The following C2orf92 variants were observed in gnomAD, a reference collection of about 807,000 sequenced individuals.
The protein encoded by C2orf92 is uncharacterized protein C2orf92.
At chr2:97,681,653 T>C (rs1559300186) in intron 3 of C2orf92, among the ~76,000 whole-genome samples, 1 of 152,164 alleles carries the variant, frequency 6.6e-6, no homozygotes, top group Non-Finnish European at 1.5e-5. Context: ...GGTCAGGAGA[T>C]CGAGACCATC....
intron 5 of C2orf92, among the ~76,000 whole-genome samples, chr2:97,694,100 C>T (rs981628407): frequency 1.3e-5 from 2 of 152,128 alleles, no homozygotes; most frequent in African/African-American, 2.4e-5. Flanking sequence ...TGGCAACCAC[C>T]GTTCTACTTT....
At position 97,690,259 on chromosome 2, in the gene C2orf92, C is replaced by T. The variant is rs1015268466; in HGVS notation, c.335C>T (p.Thr112Ile). ...TTATTCATGTGTCTTATCAAAGGAA[C>T]CAGCATTGCTTGGAATTCTCCTAAA... Reference protein sequence around the residue: ...SITKTDMRKGTSIAWNSPKPE... With the variant: ...SITKTDMRKGISIAWNSPKPE... The change falls in exon 5 of 8, where the codon ACC (threonine) becomes ATC (isoleucine). Residue 112 changes from threonine (T) to isoleucine (I), a missense_variant. Coordinates refer to ENST00000627399, the MANE Select transcript of C2orf92 (RefSeq NM_001351368.2). 5 of 398,866 alleles carry T rather than the reference C, an allele frequency of 1.3e-5. No homozygotes were observed. The highest frequency in any genetic ancestry group is 2.2e-5 in the Non-Finnish European group (5 of 226,056). The allele number at this position is 398,866 out of a possible 1,614,324, so 24.7% of individuals were successfully genotyped here.
intron 5 of C2orf92, among the ~76,000 whole-genome samples, chr2:97,696,672 G>A (rs190594569): frequency 6.6e-6 from 1 of 152,180 alleles, no homozygotes; most frequent in African/African-American, 2.4e-5. Flanking sequence ...GGAGGTGGAG[G>A]TTGCGGTGAG....
At chr2:97,669,198 G>C (rs1351717138), upstream of C2orf92, 1 of 152,200 alleles carries the variant, frequency 6.6e-6, no homozygotes, top group Non-Finnish European at 1.5e-5. Flanking sequence ...TGACACGTGA[G>C]TAACAAAATG....
rs147139353 is a variant in C2orf92, at chr2:97,679,901, A to G, written c.232+3973A>G. ...AGAGTTGAATGGAACATTATAAAGAACCAACTTTTAAAAAAAGCAGTAATG... is the reference window on the plus strand; with the variant it reads ...AGAGTTGAATGGAACATTATAAAGAGCCAACTTTTAAAAAAAGCAGTAATG... On this transcript the variant is annotated intron_variant, in intron 3 of 7. Transcript: ENST00000627399. 1.2e-4 allele frequency among the ~76,000 whole-genome samples: 18 copies of G among 152,266 alleles called. 1 individual carries two copies. In the East Asian group the frequency reaches 3.5e-3, roughly 29 times the overall value.
chr2:97,678,471 C>T (rs1675656431), intron 3 of C2orf92, among the ~76,000 whole-genome samples: 2 of 151,894 alleles, frequency 1.3e-5, no homozygotes, highest in Admixed American at 6.6e-5. Flanking sequence ...ACTCAATGAA[C>T]TCCAAGCAGA....
intron 1 of C2orf92, among the ~76,000 whole-genome samples, chr2:97,672,867 A>G (rs945100896): frequency 4.6e-5 from 7 of 152,130 alleles, no homozygotes; most frequent in Non-Finnish European, 8.8e-5. Flanking sequence ...ACCGAGGACC[A>G]ACAGCCCTGG....
chr2:97,678,767 C>T (rs947409337), intron 3 of C2orf92, among the ~76,000 whole-genome samples: 25 of 146,122 alleles, frequency 1.7e-4, no homozygotes, highest in African/African-American at 6.4e-4. Context: ...CCCAGGAATT[C>T]GAGACCAGCC....
intron 3 of C2orf92, among the ~76,000 whole-genome samples, chr2:97,679,847 A>AG (rs1465567261): frequency 1.3e-5 from 2 of 150,976 alleles, no homozygotes; most frequent in Non-Finnish European, 3.0e-5. Context: ...CAAAAAAAAA[A>AG]AAAAAAGAAA....
intron 5 of C2orf92, among the ~76,000 whole-genome samples, chr2:97,696,441 A>G (rs1326923256): frequency 6.6e-6 from 1 of 152,176 alleles, no homozygotes; most frequent in Non-Finnish European, 1.5e-5. Flanking sequence ...CCATTCAAAA[A>G]AAAAAGAAAA....
chr2:97,674,686 AC>A, intron 2 of C2orf92, 129 bp downstream of exon 2: 1 of 394,996 alleles, frequency 2.5e-6, no homozygotes, highest in Non-Finnish European at 4.5e-6. Flanking sequence ...GCAAAGCCAA[AC>A]TGAGATGTGA....
intron 3 of C2orf92, among the ~76,000 whole-genome samples, chr2:97,680,548 G>A (rs1363157660): frequency 2.0e-5 from 3 of 152,170 alleles, no homozygotes; most frequent in African/African-American, 7.2e-5. Context: ...ATTATTTTCA[G>A]ACAAAATAGA....
chr2:97,683,538 T>TA (rs35099683), intron 3 of C2orf92, among the ~76,000 whole-genome samples: 69,458 of 138,130 alleles, frequency 0.5, 18,887 homozygotes, highest in Non-Finnish European at 0.64. Flanking sequence ...TGGTATCTAT[T>TA]AAAAAAAAAA....
At chr2:97,684,304 G>C (rs1365134561) in intron 3 of C2orf92, among the ~76,000 whole-genome samples, 1 of 152,092 alleles carries the variant, frequency 6.6e-6, no homozygotes, top group Non-Finnish European at 1.5e-5. Context: ...CAAAGTGCTG[G>C]GATTACAGGC....
At chr2:97,684,810 A>G (rs1251672841) in intron 3 of C2orf92, among the ~76,000 whole-genome samples, 1 of 152,240 alleles carries the variant, frequency 6.6e-6, no homozygotes, top group East Asian at 1.9e-4. Flanking sequence ...TTGAATAGCT[A>G]TTTTCCAAAG....
intron 3 of C2orf92, among the ~76,000 whole-genome samples, chr2:97,686,599 T>A (rs1394205471): frequency 6.6e-6 from 1 of 152,134 alleles, no homozygotes; most frequent in Non-Finnish European, 1.5e-5. Flanking sequence ...TTTTGTATCT[T>A]TAATAGAGAT....
intron 1 of C2orf92, 84 bp from the exon 2 acceptor site, chr2:97,674,372 A>G: frequency 2.5e-6 from 1 of 397,562 alleles, no homozygotes. Context: ...AGTTTGTGTC[A>G]TGCATTCATT....
chr2:97,673,127 A>G (rs1559296580), intron 1 of C2orf92, among the ~76,000 whole-genome samples: 1 of 152,056 alleles, frequency 6.6e-6, no homozygotes, highest in African/African-American at 2.4e-5. Flanking sequence ...CATGGCTCCT[A>G]CCCCTGTTTT....
At chr2:97,664,269 G>C (rs1002564841) in exon 1 of C2orf92, 1 of 153,750 alleles carries the variant, frequency 6.5e-6, no homozygotes, top group African/African-American at 2.4e-5. Context: ...GTGGAGCTGG[G>C]CTGGTGTGCG....
Sources: allele counts gnomAD v4.1 joint callset (sites outside exome capture counted in the v4.1 genomes callset), GRCh38; gene constraint gnomAD v4.1.1; transcripts MANE v1.5; gene names NCBI Gene and HGNC (gene_info 2026-07-23, HGNC 2026-07-21).